The following AGAP2 variants were observed in gnomAD, a reference collection of about 807,000 sequenced individuals.
AGAP2 encodes arf-GAP with GTPase, ANK repeat and PH domain-containing protein 2.
A neutral mutation model predicts 110.9 loss-of-function variants in AGAP2; 32 were observed. The ratio of observed to expected loss-of-function variants is 0.29; its 90% CI spans 0.22 to 0.39. The LOEUF is 0.39. Among genes scored for constraint, AGAP2 ranks in the 10% least tolerant of loss-of-function variants. The pLI is 1.00. For synonymous variants in AGAP2, 702 were observed against 713.0 expected, an observed-to-expected ratio of 0.98 and a Z score of 0.25; for missense variants, 1,285 against 1,638.5, an observed-to-expected ratio of 0.78 and a Z score of 3.72.
intron 14 of AGAP2, 29 bp downstream of exon 14, chr12:57,728,289 A>T: frequency 6.2e-7 from 1 of 1,611,508 alleles, no homozygotes; most frequent in South Asian, 1.1e-5. Flanking sequence ...ACCCCAGCTG[A>T]GCGCCCCTCC....
intron 1 of AGAP2, 21 bp from the exon 2 acceptor site, chr12:57,735,448 T>G: frequency 6.2e-7 from 1 of 1,611,708 alleles, no homozygotes; most frequent in Non-Finnish European, 8.5e-7. Flanking sequence ...AGAAGGGCAG[T>G]AAGAGGGGAG....
Position 57,735,351 on chromosome 12 carries a change from G to A in AGAP2, c.1227+18C>T. 1.9e-6 allele frequency: 3 copies of A among 1,613,408 alleles called. No homozygotes were observed. The highest frequency in any genetic ancestry group is 2.2e-5 in the East Asian group (1 of 44,864). On this transcript the variant is annotated intron_variant, in intron 2 of 18. Transcript: ENST00000547588. ...GGAGGTCAGCCTTCCCTATAGGCAA[G>A]GGGACTGGGTTACCTACCAGGCGCA... is the stretch of plus-strand genomic sequence containing the variant.
chr12:57,738,992 C>G (rs913464365), upstream of AGAP2, among the ~76,000 whole-genome samples: 3 of 148,132 alleles, frequency 2.0e-5, no homozygotes, highest in South Asian at 2.2e-4. This position sits in a 1 kb window ranked among gnomAD's most constrained non-coding sequence, Gnocchi z 6.7. Flanking sequence ...CAGGCCCCCC[C>G]ACCCTATCTC....
intron 8 of AGAP2, 45 bp downstream of exon 8, chr12:57,731,764 C>A: frequency 6.4e-7 from 1 of 1,560,972 alleles, no homozygotes; most frequent in South Asian, 1.2e-5. Flanking sequence ...ATGGGCAGGT[C>A]ATGGGGGACA....
upstream of AGAP2, chr12:57,741,890 T>G (rs183198062): frequency 1.2e-4 from 194 of 1,607,446 alleles, no homozygotes; most frequent in East Asian, 3.2e-3. Context: ...ACACCCAAGT[T>G]GAGGGCTGAC....
In AGAP2 at chr12:57,729,671, G is replaced by A; in HGVS notation, c.2525C>T (p.Ser842Phe). 4 of 1,613,718 alleles carry A rather than the reference G, an allele frequency of 2.5e-6. No individual in the cohort carries two copies. The highest frequency in any genetic ancestry group is 2.7e-5 in the African/African-American group (2 of 74,992). The change falls in exon 13 of 19, where the codon TCC (serine) becomes TTC (phenylalanine). Residue 842 changes from serine (S) to phenylalanine (F), a missense_variant. Physicochemically the swap from Ser to Phe is radical, Grantham distance 155. This residue lies in a region of AGAP2 where 135 missense variants were observed against 182.0 expected (regional missense o/e 0.74). Transcript: ENST00000547588. ...KQRRKKLTTP[S>F]KTEGSAGQAE... ...CTGCCCAGCCGAGCCTTCAGTCTTGGATGGTGTTGTCAATTTTTTCCTCCT... is the reference window on the plus strand; with the variant it reads ...CTGCCCAGCCGAGCCTTCAGTCTTGAATGGTGTTGTCAATTTTTTCCTCCT...
At chr12:57,731,210 G>A (rs1954878516) in intron 10 of AGAP2, among the ~76,000 whole-genome samples, 156 bp downstream of exon 10, 1 of 152,136 alleles carries the variant, frequency 6.6e-6, no homozygotes, top group African/African-American at 2.4e-5. Flanking sequence ...TTCCTGGCAT[G>A]GGCACATGGT....
At chr12:57,735,731 C>T (rs1291472539) in intron 1 of AGAP2, among the ~76,000 whole-genome samples, 2 of 152,210 alleles carry the variant, frequency 1.3e-5, no homozygotes, top group Non-Finnish European at 2.9e-5. Context: ...ACAGGGAGAC[C>T]AGGGCTCTGA....
At chr12:57,741,778 A>G, upstream of AGAP2, 3 of 1,035,750 alleles carry the variant, frequency 2.9e-6, no homozygotes, top group South Asian at 3.0e-5. Context: ...TCCTCCCTAA[A>G]TGTATTCTTT....
At chr12:57,730,983 G>A in intron 10 of AGAP2, 30 bp from the exon 11 acceptor site, 1 of 1,483,206 alleles carries the variant, frequency 6.7e-7, no homozygotes, top group Middle Eastern at 1.8e-4. Context: ...AGAGTGTAGG[G>A]AAGGTTGGGG....
chr12:57,739,382 C>T (rs1263070222), upstream of AGAP2, among the ~76,000 whole-genome samples: 1 of 152,144 alleles, frequency 6.6e-6, no homozygotes, highest in Non-Finnish European at 1.5e-5. Flanking sequence ...ACTCACACCA[C>T]CACATTTAAT....
In AGAP2 at chr12:57,732,089, CATT is replaced by C; in HGVS notation, c.1795-125_1795-123del. ...TCACCTCACCATTTATTTATGTTGT[CATT>C]AATAATTTTTAAAATCCTCACTAAC... On this transcript the variant is annotated intron_variant, in intron 7 of 18. Transcript: ENST00000547588. 4 of 1,191,792 alleles carry C rather than the reference CATT, an allele frequency of 3.4e-6. No homozygotes were observed. The East Asian group carries it at 9.9e-5, about 30-fold the overall frequency. 73.8% of individuals were successfully genotyped at this position (1,191,792 alleles called of 1,614,324 possible).
In AGAP2 at chr12:57,727,747, C is replaced by T; in HGVS notation, c.2791G>A (p.Ala931Thr). Residue 931 changes from alanine (A) to threonine (T), a missense_variant, in exon 16 of 19, where the codon GCC becomes ACC. Ala to Thr is a moderately conservative substitution (Grantham distance 58). Transcript: ENST00000547588. Reference protein sequence around the residue: ...VKLRTDSQSEAVAIQAIRNAK... With the variant: ...VKLRTDSQSETVAIQAIRNAK... ...TTCCGGATCGCCTGGATGGCCACGG[C>T]CTCGCTTTGGCTGTCTGTGCGCAGC... 6 of 1,587,840 alleles carry T rather than the reference C, an allele frequency of 3.8e-6. No individual in the cohort carries two copies. The highest frequency in any genetic ancestry group is 5.1e-6 in the Non-Finnish European group (6 of 1,165,978).
chr12:57,738,408 G>T lies in AGAP2; in HGVS notation c.-162C>A. 2.7e-6 allele frequency: 2 copies of T among 742,108 alleles called. No individual in the cohort carries two copies. The highest frequency in any genetic ancestry group is 3.3e-6 in the Non-Finnish European group (2 of 607,814). 46.0% of individuals were successfully genotyped at this position (742,108 alleles called of 1,614,324 possible). On this transcript the variant is annotated 5_prime_UTR_variant, in exon 1 of 19. Transcript: ENST00000547588. This position sits in a 1 kb window ranked among gnomAD's most constrained non-coding sequence, Gnocchi z 6.7. ...GCCGCCGCCTCCGCCGCCTCCGCTTGCGCCCCCCTCCCATCACATGGGGCG... is the reference window on the plus strand; with the variant it reads ...GCCGCCGCCTCCGCCGCCTCCGCTTTCGCCCCCCTCCCATCACATGGGGCG...
At chr12:57,739,722 G>T (rs1364336823), upstream of AGAP2, 1 of 152,266 alleles carries the variant, frequency 6.6e-6, no homozygotes, top group African/African-American at 2.4e-5. Flanking sequence ...TGCTGAATTA[G>T]TGGAGGCACT....
At position 57,726,219 on chromosome 12, in the gene AGAP2, G is replaced by A. The variant is rs1226910867; in HGVS notation, c.*333C>T. 1 of 174,568 alleles carries A rather than the reference G, an allele frequency of 5.7e-6. No individual in the cohort carries two copies. 10.8% of individuals were successfully genotyped at this position (174,568 alleles called of 1,614,324 possible). A position where few individuals can be genotyped will look rare whatever the true frequency, so the allele number is the denominator to read the frequency against. Reference sequence around the variant, plus strand: ...ACCGGGTCTTCTTTCCGCCCCTAGGGGGCACAAGCGGGCATGTCCAAGCGC... The same window carrying A: ...ACCGGGTCTTCTTTCCGCCCCTAGGAGGCACAAGCGGGCATGTCCAAGCGC... On this transcript the variant is annotated 3_prime_UTR_variant, in exon 19 of 19. Coordinates refer to ENST00000547588, the MANE Select transcript of AGAP2 (RefSeq NM_001122772.3). The surrounding 1 kb of genome is among the most constrained non-coding windows in gnomAD (Gnocchi z 5.7).
At chr12:57,734,276 T>G (rs766112721) in intron 4 of AGAP2, 43 bp downstream of exon 4, 5 of 1,613,434 alleles carry the variant, frequency 3.1e-6, no homozygotes, top group Non-Finnish European at 4.2e-6. Flanking sequence ...CTTTGGCCAG[T>G]GCTGACCCCA....
rs373982664 is a variant in AGAP2, at chr12:57,727,617, G to T, written c.2858-35C>A. 5 of 1,590,556 alleles carry T rather than the reference G, an allele frequency of 3.1e-6. No homozygotes were observed. The South Asian group carries it at 3.4e-5, about 11-fold the overall frequency. On this transcript the variant is annotated intron_variant, in intron 16 of 18. Coordinates refer to ENST00000547588, the MANE Select transcript of AGAP2 (RefSeq NM_001122772.3). ...GAGCGTAGAGGTCGGCTCCCAGCCG[G>T]GCAGCACAGGCACCCCGGCATTCAC...
At chr12:57,739,442 A>T (rs1955049992), upstream of AGAP2, among the ~76,000 whole-genome samples, 1 of 152,146 alleles carries the variant, frequency 6.6e-6, no homozygotes. Context: ...GTGAACTTGG[A>T]AAATGTTCCC....
Sources: gnomAD v4.1 joint callset for allele counts (sites outside exome capture counted in the v4.1 genomes callset) on GRCh38, gnomAD v4.1.1 for gene constraint, gnomAD v4.1.1 regional missense constraint, Gnocchi (gnomAD v3.1) non-coding constraint, MANE v1.5 for transcripts, NCBI Gene and HGNC (gene_info 2026-07-23, HGNC 2026-07-21) for gene names.